The following DENND1B variants were observed in gnomAD, a reference collection of about 807,000 sequenced individuals.
DENND1B encodes the protein DENN domain containing 1B.
In DENND1B, 59 loss-of-function variants were observed where a neutral mutation model predicts 90.1. The observed-to-expected ratio is 0.65, with a 90% CI of 0.53 to 0.81. DENND1B has a LOEUF of 0.81. DENND1B is among the 40% of genes least tolerant of loss of function. The pLI is 0.00. For missense variants in DENND1B, 862 were observed against 912.6 expected, an observed-to-expected ratio of 0.94 and a Z score of 0.71; for synonymous variants, 337 against 324.6, an observed-to-expected ratio of 1.04 and a Z score of -0.41.
At chr1:197,649,235 T>C (rs1652833817) in intron 7 of DENND1B, among the ~76,000 whole-genome samples, 1 of 152,160 alleles carries the variant, frequency 6.6e-6, no homozygotes, top group South Asian at 2.1e-4. Flanking sequence ...AAATGGATGG[T>C]CCTGAAAGCC....
rs1313449432 is a variant in DENND1B at position 197,658,334 on chromosome 1, A to G, written c.332T>C (p.Leu111Pro). 1 of 1,610,682 alleles carries G rather than the reference A, an allele frequency of 6.2e-7. No homozygotes were observed. The highest frequency in any genetic ancestry group is 8.5e-7 in the Non-Finnish European group (1 of 1,177,966). ...LPWFEVYYKLLNTLADYLAKE... is the reference protein window; with the variant it reads ...LPWFEVYYKLPNTLADYLAKE... ...AGCCAAGTAATCTGCAAGAGTATTT[A>G]GAAGCTTGTAATACACTTCAAACCA... Residue 111 changes from leucine (L) to proline (P), a missense_variant, in exon 6 of 23, where the codon CTA (leucine) becomes CCA (proline). Coordinates refer to ENST00000620048, the MANE Select transcript of DENND1B (RefSeq NM_001195215.2).
chr1:197,586,402 A>G (rs1262116671), intron 14 of DENND1B, among the ~76,000 whole-genome samples: 1 of 152,088 alleles, frequency 6.6e-6, no homozygotes, highest in Non-Finnish European at 1.5e-5. Flanking sequence ...TTCAGTTTTA[A>G]TTTCTAATAT....
intron 3 of DENND1B, among the ~76,000 whole-genome samples, chr1:197,697,637 T>C (rs1323667439): frequency 4.0e-5 from 6 of 151,524 alleles, no homozygotes; most frequent in Non-Finnish European, 8.9e-5. Context: ...ACAAATTGGA[T>C]AGTCAAGACC....
chr1:197,564,788 G>A (rs921791080), intron 15 of DENND1B, among the ~76,000 whole-genome samples: 1 of 151,940 alleles, frequency 6.6e-6, no homozygotes, highest in Non-Finnish European at 1.5e-5. Flanking sequence ...TGAGACTCAA[G>A]AATATGCATG....
At chr1:197,663,727 T>C (rs1361081076) in intron 5 of DENND1B, among the ~76,000 whole-genome samples, 1 of 152,092 alleles carries the variant, frequency 6.6e-6, no homozygotes. Context: ...CAGATCACCG[T>C]ACTTACCCCA....
chr1:197,534,568 C>A (rs1669740847), intron 20 of DENND1B, among the ~76,000 whole-genome samples: 1 of 152,134 alleles, frequency 6.6e-6, no homozygotes, highest in Non-Finnish European at 1.5e-5. Flanking sequence ...TGTAGCTGTG[C>A]TTTTCTCTTC....
chr1:197,775,052 AGC>A, intron 1 of DENND1B, 85 bp downstream of exon 1: 1 of 960,066 alleles, frequency 1.0e-6, no homozygotes, highest in Non-Finnish European at 1.4e-6. Context: ...GAGCCGGTTG[AGC>A]GCGGAGGCGC....
chr1:197,570,890 T>C (rs962693592), intron 15 of DENND1B, among the ~76,000 whole-genome samples: 7 of 152,304 alleles, frequency 4.6e-5, no homozygotes, highest in South Asian at 2.1e-4. Context: ...ACTGGATATA[T>C]AGAATGCAAT....
At chr1:197,745,914 C>T (rs1663697154) in intron 2 of DENND1B, among the ~76,000 whole-genome samples, 2 of 151,970 alleles carry the variant, frequency 1.3e-5, no homozygotes, top group African/African-American at 4.8e-5. Flanking sequence ...CTATGCAATT[C>T]TGAAATATCA....
intron 15 of DENND1B, among the ~76,000 whole-genome samples, chr1:197,566,747 C>T (rs920284341): frequency 2.6e-5 from 4 of 150,984 alleles, no homozygotes; most frequent in African/African-American, 9.8e-5. Flanking sequence ...AACAAACCAA[C>T]AAATATCATA....
At chr1:197,520,534 T>C (rs1258898030) in intron 20 of DENND1B, among the ~76,000 whole-genome samples, 2 of 151,908 alleles carry the variant, frequency 1.3e-5, no homozygotes, top group Non-Finnish European at 2.9e-5. Flanking sequence ...TAAACATCGG[T>C]AAATTCTGAG....
chr1:197,603,379 T>C (rs759902064), intron 13 of DENND1B, among the ~76,000 whole-genome samples: 2 of 151,326 alleles, frequency 1.3e-5, no homozygotes, highest in Non-Finnish European at 3.0e-5. Flanking sequence ...GATCAACCTC[T>C]ATGAACTGAA....
rs1433113091 is a variant in DENND1B, at chr1:197,545,567, T to TC, written c.1350+354_1350+355insG. On this transcript the variant is annotated intron_variant, in intron 18 of 22. Coordinates refer to ENST00000620048, the MANE Select transcript of DENND1B (RefSeq NM_001195215.2). ...GAAAAGACCTCGCTATATTTTTCTT[T>TC]TTTTTTTTCTACTTGAGCCGCAAGT... The TC allele has an allele frequency of 7.2e-4, 145 of 200,146 alleles. 1 individual carries two copies. Among genetic ancestry groups the TC allele is most frequent in the Non-Finnish European group, 8.4e-4 (84 of 100,398 alleles). The allele number at this position is 200,146 out of a possible 1,614,324, so 12.4% of individuals were successfully genotyped here.
chr1:197,644,877 T>C (rs955137657), intron 9 of DENND1B, among the ~76,000 whole-genome samples: 11 of 152,180 alleles, frequency 7.2e-5, no homozygotes, highest in African/African-American at 2.4e-4. Context: ...TATATTGAAA[T>C]ACTTTTTTCC....
chr1:197,531,386 CT>C (rs1448393506), intron 20 of DENND1B, among the ~76,000 whole-genome samples: 70 of 3,450 alleles, frequency 0.02, 7 homozygotes, highest in African/African-American at 0.02. Flanking sequence ...CATAACAAAT[CT>C]TTTTTTTTTT....
chr1:197,702,422 T>C (rs1365307224), intron 3 of DENND1B, among the ~76,000 whole-genome samples: 2 of 152,168 alleles, frequency 1.3e-5, no homozygotes, highest in Non-Finnish European at 2.9e-5. Flanking sequence ...TTATATAACA[T>C]GTAAATTTCT....
chr1:197,565,653 C>A (rs971650785), intron 15 of DENND1B, among the ~76,000 whole-genome samples: 18 of 125,982 alleles, frequency 1.4e-4, no homozygotes, highest in Non-Finnish European at 2.4e-4. Flanking sequence ...CCCCACCCCA[C>A]AACAGTCCCC....
In DENND1B at chr1:197,707,506, C is replaced by T. The variant is rs1365195963; in HGVS notation, c.126+7525G>A. Among the ~76,000 whole-genome samples, 4 of 150,660 alleles carry T rather than the reference C, an allele frequency of 2.7e-5. No homozygotes were observed. The East Asian group carries it at 7.8e-4, about 29-fold the overall frequency. Reference sequence around the variant, plus strand: ...TGATTTGATCATTACATATTGTATACATGTATCAAAATATCACATATATGT... The same window carrying T: ...TGATTTGATCATTACATATTGTATATATGTATCAAAATATCACATATATGT... On this transcript the variant is annotated intron_variant, in intron 3 of 22. Coordinates refer to ENST00000620048, the MANE Select transcript of DENND1B (RefSeq NM_001195215.2).
chr1:197,769,545 T>C (rs908381527), intron 2 of DENND1B, among the ~76,000 whole-genome samples: 9 of 152,080 alleles, frequency 5.9e-5, no homozygotes, highest in Non-Finnish European at 1.5e-5. Context: ...GTGGCAGAAA[T>C]GAGAAGCAGA....
Sources: allele counts gnomAD v4.1 joint callset (sites outside exome capture counted in the v4.1 genomes callset), GRCh38; gene constraint gnomAD v4.1.1; transcripts MANE v1.5; gene names NCBI Gene and HGNC (gene_info 2026-07-23, HGNC 2026-07-21).